The following NSRP1 variants were observed in gnomAD, a reference collection of about 807,000 sequenced individuals.
The protein encoded by NSRP1 is nuclear speckle splicing regulatory protein 1.
A neutral mutation model predicts 54.7 loss-of-function variants in NSRP1; 24 were observed. That is an observed-to-expected ratio of 0.44 (90% CI 0.32 to 0.62). NSRP1 has a LOEUF of 0.62. NSRP1 is among the 20% of genes least tolerant of loss of function. NSRP1 has a pLI of 0.06. For missense variants in NSRP1, 596 were observed against 651.2 expected (o/e 0.92, Z 0.92); for synonymous variants, 210 against 213.8 (o/e 0.98, Z 0.15).
intron 5 of NSRP1, among the ~76,000 whole-genome samples, 185 bp downstream of exon 5, chr17:30,179,482 A>G (rs1225123701): frequency 6.6e-6 from 1 of 152,370 alleles, no homozygotes; most frequent in Non-Finnish European, 1.5e-5. Flanking sequence ...AAGTTTAACT[A>G]AAAACACAGT....
At chr17:30,143,577 T>G (rs775905067) in intron 2 of NSRP1, among the ~76,000 whole-genome samples, 11 of 152,344 alleles carry the variant, frequency 7.2e-5, no homozygotes, top group Non-Finnish European at 1.3e-4. Context: ...ATAAGACCTT[T>G]GACTGTTCAT....
intron 2 of NSRP1, among the ~76,000 whole-genome samples, chr17:30,158,801 A>C (rs1181606940): frequency 2.6e-5 from 4 of 152,054 alleles, no homozygotes; most frequent in Non-Finnish European, 5.9e-5. Flanking sequence ...TGGATTCTCT[A>C]TTCTGTTCCA....
In NSRP1 at chr17:30,181,005, T is replaced by G; in HGVS notation, c.606T>G (p.Phe202Leu). ...AAGAGGAAGTACCTAAATGCAGCTTTCGTGAAGCCAGGTGAGGAGACGTGT... is the reference window on the plus strand; with the variant it reads ...AAGAGGAAGTACCTAAATGCAGCTTGCGTGAAGCCAGGTGAGGAGACGTGT... ...VGEEEVPKCS[F>L]REARSGIKEE... Residue 202 changes from phenylalanine to leucine, a missense_variant, in exon 6 of 7, where the codon TTT (phenylalanine) becomes TTG (leucine). By Grantham distance (22) the Phe-to-Leu change is conservative. Coordinates refer to ENST00000247026, the MANE Select transcript of NSRP1 (RefSeq NM_032141.4). 6.2e-7 allele frequency: 1 copy of G among 1,604,582 alleles called. No individual in the cohort carries two copies. The highest frequency in any genetic ancestry group is 1.1e-5 in the South Asian group (1 of 90,866).
At chr17:30,175,073 C>T (rs973426816) in intron 3 of NSRP1, among the ~76,000 whole-genome samples, 17 of 152,198 alleles carry the variant, frequency 1.1e-4, no homozygotes, top group African/African-American at 4.1e-4. Flanking sequence ...TCTGTCCTGA[C>T]AGATCAGTGT....
chr17:30,119,455 C>G (rs2071577487), intron 2 of NSRP1, among the ~76,000 whole-genome samples: 1 of 152,132 alleles, frequency 6.6e-6, no homozygotes, highest in African/African-American at 2.4e-5. Flanking sequence ...AGGTGATCCA[C>G]TTGCCTTGGC....
chr17:30,117,880 G>T, intron 1 of NSRP1, 200 bp from the exon 2 acceptor site: 1 of 429,204 alleles, frequency 2.3e-6, no homozygotes, highest in Non-Finnish European at 4.1e-6. Flanking sequence ...GTCCACAAAT[G>T]ATCACTTAGA....
intron 2 of NSRP1, among the ~76,000 whole-genome samples, chr17:30,157,081 A>C (rs1414396983): frequency 6.6e-6 from 1 of 152,150 alleles, no homozygotes; most frequent in Admixed American, 6.6e-5. Context: ...ATTTTCCATA[A>C]TGGCTGTACT....
intron 2 of NSRP1, among the ~76,000 whole-genome samples, chr17:30,135,793 C>T (rs778373568): frequency 3.3e-5 from 5 of 151,974 alleles, no homozygotes; most frequent in Non-Finnish European, 7.4e-5. Flanking sequence ...TTGATGAGGA[C>T]CGGGGTGGTA....
At chr17:30,182,786 T>C (rs1905357401) in intron 6 of NSRP1, among the ~76,000 whole-genome samples, 1 of 151,222 alleles carries the variant, frequency 6.6e-6, no homozygotes, top group African/African-American at 2.4e-5. Flanking sequence ...TACAAAAAAT[T>C]AGCCAGGCGT....
At chr17:30,179,501 T>C (rs892592931) in intron 5 of NSRP1, among the ~76,000 whole-genome samples, 15 of 152,240 alleles carry the variant, frequency 9.9e-5, no homozygotes, top group African/African-American at 3.1e-4. Flanking sequence ...GTTGAACTCT[T>C]CAGTAACTAT....
chr17:30,137,065 A>G (rs1475980599), intron 2 of NSRP1, among the ~76,000 whole-genome samples: 64 of 152,130 alleles, frequency 4.2e-4, no homozygotes, highest in Admixed American at 4.1e-3. Flanking sequence ...ATTGAGTAGA[A>G]CCTCAAGAGT....
intron 2 of NSRP1, among the ~76,000 whole-genome samples, chr17:30,128,753 T>C (rs968137891): frequency 1.3e-5 from 2 of 152,124 alleles, no homozygotes; most frequent in Non-Finnish European, 2.9e-5. Flanking sequence ...AGTGAAAGCA[T>C]GAGTAAGTAA....
chr17:30,123,760 A>G (rs1272143746), intron 2 of NSRP1, among the ~76,000 whole-genome samples: 3 of 151,942 alleles, frequency 2.0e-5, no homozygotes, highest in Admixed American at 1.3e-4. Context: ...AGGGGGTTCA[A>G]CTTCATTCAT....
At chr17:30,147,433 CTT>C (rs1050133234) in intron 2 of NSRP1, among the ~76,000 whole-genome samples, 2 of 150,172 alleles carry the variant, frequency 1.3e-5, no homozygotes, top group Non-Finnish European at 3.0e-5. Flanking sequence ...CTCGGCCAGA[CTT>C]TTGTTTGTTT....
chr17:30,161,783 A>G (rs761618340), intron 2 of NSRP1, among the ~76,000 whole-genome samples: 12 of 152,196 alleles, frequency 7.9e-5, no homozygotes, highest in Non-Finnish European at 1.5e-4. Context: ...CATGGATGAA[A>G]TGATCTCTCT....
chr17:30,119,789 C>T (rs919228048), intron 2 of NSRP1, among the ~76,000 whole-genome samples: 1 of 152,222 alleles, frequency 6.6e-6, no homozygotes, highest in African/African-American at 2.4e-5. Flanking sequence ...AGGCATGACC[C>T]ACTGTGCCTG....
chr17:30,177,751 A>G (rs185559302), intron 3 of NSRP1, among the ~76,000 whole-genome samples: 1 of 152,176 alleles, frequency 6.6e-6, no homozygotes, highest in African/African-American at 2.4e-5. Context: ...CTTATTCTCT[A>G]TCAGGCTCTG....
chr17:30,163,236 T>TGTGTGA (rs1234743644), intron 2 of NSRP1: 3 of 110,410 alleles, frequency 2.7e-5, no homozygotes, highest in African/African-American at 8.6e-5. Flanking sequence ...TGTGTGTGTG[T>TGTGTGA]GTGTGTGTGT....
chr17:30,158,190 G>C (rs747430521), intron 2 of NSRP1, among the ~76,000 whole-genome samples: 3 of 151,764 alleles, frequency 2.0e-5, no homozygotes, highest in Non-Finnish European at 2.9e-5. Flanking sequence ...ATCTTATTAT[G>C]GTTTGGATTT....
Sources: gnomAD v4.1 joint callset for allele counts (sites outside exome capture counted in the v4.1 genomes callset) on GRCh38, gnomAD v4.1.1 for gene constraint, MANE v1.5 for transcripts, NCBI Gene and HGNC (gene_info 2026-07-23, HGNC 2026-07-21) for gene names.